MTCL1: variants seen among roughly 807,000 people sequenced by gnomAD.
The protein encoded by MTCL1 is microtubule crosslinking factor 1, also known as microtubule cross-linking factor 1.
In MTCL1, 79 loss-of-function variants were observed where a neutral mutation model predicts 141.4. The observed-to-expected ratio is 0.56, with a 90% CI of 0.47 to 0.67. MTCL1 has a LOEUF of 0.67. MTCL1 is among the 30% of genes least tolerant of loss of function. The pLI, the probability that MTCL1 is intolerant of heterozygous loss-of-function variation, is 0.00. For synonymous variants in MTCL1, 914 were observed against 875.8 expected, an observed-to-expected ratio of 1.04 and a Z score of -0.77; for missense variants, 2,177 against 2,113.9, an observed-to-expected ratio of 1.03 and a Z score of -0.59.
At position 8,832,099 on chromosome 18, in the gene MTCL1, A is replaced by T. The variant is rs115567028; in HGVS notation, c.*511A>T. 1.3e-3 allele frequency: 466 copies of T among 357,726 alleles called. 2 individuals are homozygous for T. Among genetic ancestry groups the T allele is most frequent in the African/African-American group, 7.8e-3 (370 of 47,714 alleles). 22.2% of individuals were successfully genotyped at this position (357,726 alleles called of 1,614,324 possible). A position where few individuals can be genotyped will look rare whatever the true frequency, so the allele number is the denominator to read the frequency against. On this transcript the variant is annotated 3_prime_UTR_variant, in exon 17 of 17. Transcript: ENST00000359865. ...AGGTAAATAAGGTATAAATAGATTT[A>T]AAAAATAAAAGTTTTAAAAAATGTA... is the stretch of plus-strand genomic sequence containing the variant.
chr18:8,743,784 G>A (rs1318884896), intron 4 of MTCL1, among the ~76,000 whole-genome samples: 1 of 152,196 alleles, frequency 6.6e-6, no homozygotes, highest in Non-Finnish European at 1.5e-5. Context: ...CCTATTTCAA[G>A]GTCAGCTGAT....
intron 2 of MTCL1, chr18:8,718,030 G>A (rs2096141259): frequency 1.0e-6 from 1 of 978,074 alleles, no homozygotes; most frequent in African/African-American, 1.7e-5. Context: ...TGAAGGCAGG[G>A]TCCGTATGAT....
At chr18:8,802,866 T>C (rs1028028693) in intron 10 of MTCL1, among the ~76,000 whole-genome samples, 8 of 152,160 alleles carry the variant, frequency 5.3e-5, no homozygotes, top group East Asian at 1.9e-4. Context: ...ATGTACAAGC[T>C]AAAAGGTTGC....
At chr18:8,725,255 A>G (rs2096200685) in intron 4 of MTCL1, among the ~76,000 whole-genome samples, 1 of 152,194 alleles carries the variant, frequency 6.6e-6, no homozygotes, top group Admixed American at 6.5e-5. Context: ...GGAACCAACT[A>G]AGAGACGACT....
intron 7 of MTCL1, chr18:8,789,783 G>A: frequency 1.2e-6 from 1 of 855,736 alleles, no homozygotes; most frequent in Non-Finnish European, 1.4e-6. Flanking sequence ...GGTGGTAAAG[G>A]GAAATATTTA....
At chr18:8,705,562 G>C, upstream of MTCL1, 1 of 1,120,752 alleles carries the variant, frequency 8.9e-7, no homozygotes, top group Non-Finnish European at 1.1e-6. The surrounding 1 kb of genome is among the most constrained non-coding windows in gnomAD (Gnocchi z 5.2). Flanking sequence ...GGACAGTGAT[G>C]AGAGAGCGCG....
At chr18:8,719,700 C>T (rs1275843875) in intron 3 of MTCL1, among the ~76,000 whole-genome samples, 1 of 152,152 alleles carries the variant, frequency 6.6e-6, no homozygotes, top group African/African-American at 2.4e-5. Context: ...GTAGCTGGGA[C>T]TATAGGCATG....
intron 4 of MTCL1, among the ~76,000 whole-genome samples, chr18:8,722,548 T>C (rs955844397): frequency 6.6e-6 from 1 of 152,318 alleles, no homozygotes; most frequent in South Asian, 2.1e-4. Context: ...TGTATTCTTA[T>C]AATAAAGCTA....
intron 4 of MTCL1, among the ~76,000 whole-genome samples, chr18:8,761,611 A>T (rs574284055): frequency 6.6e-6 from 1 of 152,336 alleles, no homozygotes; most frequent in African/African-American, 2.4e-5. Context: ...AAAGACATAC[A>T]CAAGACTGGA....
rs1451562685 is a variant in MTCL1, at chr18:8,828,181, A to G, written c.4723-727A>G. 6.6e-6 allele frequency among the ~76,000 whole-genome samples: 1 copy of G among 152,186 alleles called. No individual in the cohort carries two copies. The highest frequency in any genetic ancestry group is 1.5e-5 in the Non-Finnish European group (1 of 68,030). The stretch of plus-strand genomic sequence containing the variant: ...TCTCGGTATGCGTTCCCAAATCCCC[A>G]GGACTACTTCTGATTCCAAGCCCAC... On this transcript the variant is annotated intron_variant, in intron 15 of 16. Transcript: ENST00000359865. This position sits in a 1 kb window ranked among gnomAD's most constrained non-coding sequence, Gnocchi z 5.2.
chr18:8,802,418 C>G (rs1008800237), intron 10 of MTCL1: 5 of 152,172 alleles, frequency 3.3e-5, no homozygotes, highest in Non-Finnish European at 7.3e-5. Context: ...GCAAAGTAGT[C>G]GGTGGTGGTT....
At chr18:8,720,241 A>G (rs2096160378) in intron 3 of MTCL1, 97 bp from the exon 3 acceptor site, 4 of 1,147,152 alleles carry the variant, frequency 3.5e-6, no homozygotes, top group South Asian at 1.4e-5. Flanking sequence ...GTGGTGTAAT[A>G]TATTACTTAA....
At chr18:8,732,616 T>G (rs1490434623) in intron 4 of MTCL1, among the ~76,000 whole-genome samples, 1 of 152,106 alleles carries the variant, frequency 6.6e-6, no homozygotes, top group Admixed American at 6.6e-5. Flanking sequence ...TAATAAAAAA[T>G]CATTCGCATT....
chr18:8,786,050 G>A lies in MTCL1; in HGVS notation c.1846G>A (p.Gly616Arg), dbSNP rs577221626. ...GCACCGCCGCGCAGACGGGGACACC[G>A]GGAGCCACGGGCTGGGAGGCCAGAC... Residue 616 changes from glycine to arginine, a missense_variant, in exon 7 of 17, where the codon GGG becomes AGG. Physicochemically the swap from Gly to Arg is moderately radical, Grantham distance 125 (BLOSUM62 -2). Coordinates refer to ENST00000359865, the Ensembl canonical transcript of MTCL1. 5.4e-5 allele frequency: 87 copies of A among 1,597,858 alleles called. No individual in the cohort carries two copies. Among genetic ancestry groups the A allele is most frequent in the Admixed American group, 2.9e-4 (17 of 57,940 alleles).
intron 15 of MTCL1, among the ~76,000 whole-genome samples, chr18:8,827,647 T>C (rs2077067797): frequency 6.6e-6 from 1 of 152,222 alleles, no homozygotes; most frequent in Non-Finnish European, 1.5e-5. Context: ...TGTTTATATG[T>C]GAGTGCCCTG....
exon 6 of MTCL1, chr18:8,783,928 T>C (rs759515676): frequency 1.9e-6 from 3 of 1,613,536 alleles, no homozygotes; most frequent in Non-Finnish European, 2.5e-6. Context: ...AGTCCTCCAC[T>C]GAGCTCCGCC....
At chr18:8,721,274 G>T (rs61050548) in intron 4 of MTCL1, among the ~76,000 whole-genome samples, 1,654 of 152,206 alleles carry the variant, frequency 0.011, 31 homozygotes, top group African/African-American at 0.038. Flanking sequence ...CTTGCTTAGC[G>T]GCTCATTTTT....
At chr18:8,713,500 T>C (rs2096107280), upstream of MTCL1, among the ~76,000 whole-genome samples, 1 of 152,244 alleles carries the variant, frequency 6.6e-6, no homozygotes, top group African/African-American at 2.4e-5. Flanking sequence ...GTTTTCTAAA[T>C]TGGAGCATGC....
At chr18:8,743,099 C>G (rs2096313821) in intron 4 of MTCL1, among the ~76,000 whole-genome samples, 1 of 152,204 alleles carries the variant, frequency 6.6e-6, no homozygotes, top group Admixed American at 6.5e-5. Context: ...TTTGGTGGAG[C>G]TGCAGATGGA....
Sources: gnomAD v4.1 joint callset for allele counts (sites outside exome capture counted in the v4.1 genomes callset) on GRCh38, gnomAD v4.1.1 for gene constraint, Gnocchi (gnomAD v3.1) non-coding constraint, MANE v1.5 for transcripts, NCBI Gene and HGNC (gene_info 2026-07-23, HGNC 2026-07-21) for gene names.